SLC14A2: variants seen among roughly 807,000 people sequenced by gnomAD.
The protein encoded by SLC14A2 is urea transporter 2.
SLC14A2 carries 91 observed loss-of-function variants against 104.6 expected under a neutral mutation model. That is an observed-to-expected ratio of 0.87 (90% CI 0.73 to 1.04). The LOEUF (loss-of-function observed/expected upper bound fraction) is 1.04. Among genes scored for constraint, SLC14A2 ranks in the 50% least tolerant of loss-of-function variants. The probability of loss-of-function intolerance (pLI) is 0.00; values close to 1 mark genes in which losing one functional copy is unlikely to be tolerated. For missense variants in SLC14A2, 1,189 were observed against 1,156.0 expected (o/e 1.03, Z -0.41); for synonymous variants, 476 against 466.4 (o/e 1.02, Z -0.27).
chr18:45,494,323 C>A (rs896874834), intron 2 of SLC14A2, among the ~76,000 whole-genome samples: 6 of 152,250 alleles, frequency 3.9e-5, no homozygotes, highest in Non-Finnish European at 7.3e-5. Context: ...CACTCATCAT[C>A]AACCCTGACA....
At chr18:45,488,385 G>A (rs1387865515) in intron 2 of SLC14A2, among the ~76,000 whole-genome samples, 1 of 152,188 alleles carries the variant, frequency 6.6e-6, no homozygotes, top group African/African-American at 2.4e-5. Context: ...GGCAGGGCAG[G>A]GCAGGACAGG....
At chr18:45,541,805 T>C (rs1191537784) in intron 2 of SLC14A2, among the ~76,000 whole-genome samples, 1 of 152,174 alleles carries the variant, frequency 6.6e-6, no homozygotes, top group Non-Finnish European at 1.5e-5. Flanking sequence ...TTTTCGCCTA[T>C]GGCTGGGGCT....
chr18:45,668,088 T>C (rs2046060938), intron 14 of SLC14A2, 66 bp downstream of exon 14: 1 of 1,464,790 alleles, frequency 6.8e-7, no homozygotes, highest in East Asian at 2.3e-5. Flanking sequence ...GGACCATTCT[T>C]CCTCTTCCCA....
intron 1 of SLC14A2, among the ~76,000 whole-genome samples, chr18:45,460,406 C>T (rs1329998145): frequency 6.6e-6 from 1 of 152,170 alleles, no homozygotes; most frequent in Admixed American, 6.5e-5. Flanking sequence ...GCCCAGTCCA[C>T]CTTGCAGAAG....
intron 1 of SLC14A2, among the ~76,000 whole-genome samples, chr18:45,408,042 C>T (rs904500520): frequency 3.3e-5 from 5 of 152,130 alleles, no homozygotes; most frequent in African/African-American, 1.2e-4. Context: ...TTGCCACAAA[C>T]CTTCAATTTG....
rs138725171 is a variant in SLC14A2 at position 45,418,522 on chromosome 18, G to A, written c.-124-64711G>A. Among the ~76,000 whole-genome samples the A allele has an allele frequency of 2.5e-3, 388 of 152,310 alleles. 1 individual carries two copies. The highest frequency in any genetic ancestry group is 9.0e-3 in the African/African-American group (373 of 41,570). On this transcript the variant is annotated intron_variant, in intron 1 of 20. Transcript: ENST00000586448. ...GTTTGGTAGAGTCTGAGAAAAGCCA[G>A]CATTTGTCAAGGACCCAGGTTCACA... is the stretch of plus-strand genomic sequence containing the variant.
the SLC14A2 span, among the ~76,000 whole-genome samples, chr18:45,189,006 A>G: frequency 6.6e-6 from 1 of 152,176 alleles, no homozygotes; most frequent in Non-Finnish European, 1.5e-5. Context: ...GTTACATGCA[A>G]TGCAGTGTGC....
intron 2 of SLC14A2, among the ~76,000 whole-genome samples, chr18:45,551,595 T>C (rs1438919006): frequency 1.3e-5 from 2 of 152,068 alleles, no homozygotes. Context: ...GTGAGATGTG[T>C]CAACATGAGG....
chr18:45,223,280 T>A (rs1287532670), intron 1 of SLC14A2, among the ~76,000 whole-genome samples: 2 of 152,112 alleles, frequency 1.3e-5, no homozygotes, highest in Non-Finnish European at 2.9e-5. Context: ...GAGGTCACAA[T>A]GACGGAAGTT....
At chr18:45,311,827 A>G (rs2085082310) in intron 1 of SLC14A2, among the ~76,000 whole-genome samples, 1 of 152,214 alleles carries the variant, frequency 6.6e-6, no homozygotes, top group African/African-American at 2.4e-5. Context: ...CTTGACAGGG[A>G]CTAAGGAAGT....
intron 1 of SLC14A2, among the ~76,000 whole-genome samples, chr18:45,322,884 C>G (rs1457251511): frequency 6.6e-6 from 1 of 152,120 alleles, no homozygotes; most frequent in Non-Finnish European, 1.5e-5. Context: ...TCCAGCATAA[C>G]CTGTTATTGT....
intron 1 of SLC14A2, among the ~76,000 whole-genome samples, chr18:45,273,677 TAAA>T (rs1285163933): frequency 2.0e-5 from 3 of 152,104 alleles, no homozygotes; most frequent in African/African-American, 7.2e-5. Context: ...ATAGTCTTTT[TAAA>T]AAAGCATTAA....
intron 1 of SLC14A2, among the ~76,000 whole-genome samples, chr18:45,470,157 T>C (rs969507958): frequency 2.0e-5 from 3 of 152,210 alleles, no homozygotes; most frequent in Admixed American, 2.0e-4. Context: ...GCATAAATAT[T>C]TATAATGTTT....
rs1194503934 is a variant in SLC14A2, at chr18:45,683,140, T to C, written c.*621T>C. 6.6e-6 allele frequency: 1 copy of C among 152,334 alleles called. No homozygotes were observed. The highest frequency in any genetic ancestry group is 1.4e-5 in the Non-Finnish European group (1 of 69,274). The allele number at this position is 152,334 out of a possible 1,614,324, so 9.4% of individuals were successfully genotyped here. ...TCACCAAGAAAGGGATAGAGGTCAG[T>C]GACATGGTCATCACACAACTCGGTC... On this transcript the variant is annotated 3_prime_UTR_variant, in exon 20 of 20. Coordinates refer to ENST00000255226, the MANE Select transcript of SLC14A2 (RefSeq NM_007163.4).
chr18:45,258,344 C>G (rs1268386623), intron 1 of SLC14A2, among the ~76,000 whole-genome samples: 2 of 142,502 alleles, frequency 1.4e-5, no homozygotes, highest in Non-Finnish European at 3.0e-5. Flanking sequence ...CCGAATCTCA[C>G]AGACCACCCC....
chr18:45,223,037 C>T (rs984840929), intron 1 of SLC14A2, among the ~76,000 whole-genome samples: 3 of 152,180 alleles, frequency 2.0e-5, no homozygotes, highest in African/African-American at 7.2e-5. Context: ...TCACCATGGA[C>T]CATCATGGCC....
chr18:45,579,524 A>G (rs2044460065), intron 2 of SLC14A2, among the ~76,000 whole-genome samples: 1 of 152,156 alleles, frequency 6.6e-6, no homozygotes, highest in Admixed American at 6.5e-5. Context: ...TCAAAATTAT[A>G]TTTTCTTCTA....
intron 1 of SLC14A2, among the ~76,000 whole-genome samples, chr18:45,232,687 A>G (rs56289987): frequency 0.12 from 18,955 of 152,162 alleles, 1,358 homozygotes; most frequent in African/African-American, 0.2. Context: ...TACATTTTGG[A>G]TTGTTACTTT....
chr18:45,621,218 T>G (rs968960457), intron 1 of SLC14A2, among the ~76,000 whole-genome samples: 1 of 152,194 alleles, frequency 6.6e-6, no homozygotes, highest in East Asian at 1.9e-4. Context: ...TTTCACTGTC[T>G]CCTAAACCTT....
Sources: allele counts gnomAD v4.1 joint callset (sites outside exome capture counted in the v4.1 genomes callset), GRCh38; gene constraint gnomAD v4.1.1; transcripts MANE v1.5; gene names NCBI Gene and HGNC (gene_info 2026-07-23, HGNC 2026-07-21).